CCNB3: variants seen among roughly 807,000 people sequenced by gnomAD.
CCNB3 encodes G2/mitotic-specific cyclin-B3.
CCNB3 carries 12 observed loss-of-function variants against 68.0 expected under a neutral mutation model. That is an observed-to-expected ratio of 0.18 (90% confidence interval 0.11 to 0.29). The LOEUF (loss-of-function observed/expected upper bound fraction) is 0.29, where lower values mean the gene tolerates loss of function less well. Ranked by LOEUF, CCNB3 falls within the 10% of genes least tolerant of loss-of-function variation. The pLI, the probability that CCNB3 is intolerant of heterozygous loss-of-function variation, is 1.00. For synonymous variants in CCNB3, 354 were observed against 388.9 expected, an observed-to-expected ratio of 0.91 and a Z score of 1.06; for missense variants, 904 against 993.1, an observed-to-expected ratio of 0.91 and a Z score of 1.21.
chrX:50,295,916 A>G (rs1488926264), intron 5 of CCNB3, among the ~76,000 whole-genome samples: 1 of 111,133 alleles, frequency 9.0e-6, no homozygotes, highest in African/African-American at 3.3e-5. Context: ...GTAAGCTAAA[A>G]AGACTGGGTA....
Position 50,312,580 on chromosome X carries a change from G to A in CCNB3, c.3371G>A (p.Ser1124Asn). The A allele has an allele frequency of 8.3e-7, 1 of 1,208,316 alleles. No individual in the cohort carries two copies. Among genetic ancestry groups the A allele is most frequent in the Non-Finnish European group, 1.1e-6 (1 of 893,488 alleles). ...ATTGATGAGGACAGCAGTGATCCAAGTTTCAACCCAATGTATGCCAAGGAA... is the reference window on the plus strand; with the variant it reads ...ATTGATGAGGACAGCAGTGATCCAAATTTCAACCCAATGTATGCCAAGGAA... ...EDIDEDSSDP[S>N]FNPMYAKEIF... The change falls in exon 7 of 13, where the codon AGT becomes AAT. Residue 1124 changes from serine to asparagine, a missense_variant. This residue lies in a region of CCNB3 where 285 missense variants were observed against 383.4 expected (regional missense o/e 0.74). Transcript: ENST00000376042.
rs937419561 is a variant in CCNB3 at position 50,346,531 on chromosome X, A to G, written c.3655-121A>G. 43 of 724,509 alleles carry G rather than the reference A, an allele frequency of 5.9e-5. 1 individual carries two copies. In the Middle Eastern group the frequency reaches 1.5e-3, roughly 25 times the overall value. The allele number at this position is 724,509 out of a possible 1,213,427, so 59.7% of individuals were successfully genotyped here. ...TCACATCAACCAGAAGCTGAGTCTC[A>G]GAGATACCCTGAAGATTTATGCCAG... On this transcript the variant is annotated intron_variant, in intron 9 of 12. Transcript: ENST00000376042.
intron 3 of CCNB3, among the ~76,000 whole-genome samples, chrX:50,288,269 C>T (rs536723240): frequency 9.5e-4 from 105 of 110,019 alleles, no homozygotes; most frequent in Non-Finnish European, 1.7e-3. Context: ...GGTTAGGGAC[C>T]GCTGTTTTAA....
chrX:50,303,723 T>C (rs1353648574), intron 5 of CCNB3, among the ~76,000 whole-genome samples: 1 of 111,447 alleles, frequency 9.0e-6, no homozygotes, highest in Non-Finnish European at 1.9e-5. Flanking sequence ...GTTCTTTATA[T>C]ATTTTAGATA....
intron 11 of CCNB3, 67 bp from the exon 12 acceptor site, chrX:50,351,174 G>A (rs960177926): frequency 3.5e-6 from 4 of 1,154,508 alleles, no homozygotes; most frequent in Non-Finnish European, 4.7e-6. Context: ...TTAGACTTGG[G>A]ATAGCAGAGA....
chrX:50,214,030 C>G (rs1473193615), intron 1 of CCNB3, among the ~76,000 whole-genome samples: 1 of 111,162 alleles, frequency 9.0e-6, no homozygotes, highest in Non-Finnish European at 1.9e-5. Context: ...CCTTGTGTTC[C>G]TTTGTTGTTG....
At chrX:50,227,821 GA>G (rs1935926877) in intron 1 of CCNB3, among the ~76,000 whole-genome samples, 1 of 77,540 alleles carries the variant, frequency 1.3e-5, no homozygotes, top group African/African-American at 5.0e-5. Flanking sequence ...AATATATAGA[GA>G]ATATATAAAT....
intron 1 of CCNB3, among the ~76,000 whole-genome samples, chrX:50,228,213 A>C (rs1005942768): frequency 1.1e-5 from 1 of 90,071 alleles, no homozygotes; most frequent in East Asian, 3.1e-4. Context: ...ATACTTATAC[A>C]TAGAATACAT....
chrX:50,227,075 A>C (rs1295903811), intron 1 of CCNB3, among the ~76,000 whole-genome samples: 2 of 81,805 alleles, frequency 2.4e-5, no homozygotes, highest in Non-Finnish European at 4.3e-5. Context: ...ATACAAATAT[A>C]AAGAATATAT....
chrX:50,312,665 C>G, intron 7 of CCNB3, 33 bp downstream of exon 7: 1 of 982,007 alleles, frequency 1.0e-6, no homozygotes, highest in Non-Finnish European at 1.4e-6. Context: ...GCAATGATTT[C>G]TAGTTTTCAT....
In CCNB3 at chrX:50,285,255, A is replaced by C; in HGVS notation, c.92A>C (p.Glu31Ala). 5.0e-6 allele frequency: 6 copies of C among 1,194,704 alleles called. No individual in the cohort carries two copies. Among genetic ancestry groups the C allele is most frequent in the Non-Finnish European group, 6.8e-6 (6 of 880,392 alleles). ...KIVPSHHDPS[E>A]KTGENCQTKI... is the part of the protein sequence containing the mutation. ...GTGCCCAGTCATCATGACCCATCTGAAAAGGTTAGAGCAAGCTGTCTTTCC... is the reference window on the plus strand; with the variant it reads ...GTGCCCAGTCATCATGACCCATCTGCAAAGGTTAGAGCAAGCTGTCTTTCC... Residue 31 changes from glutamate to alanine, a missense_variant, in exon 3 of 13, where the codon GAA becomes GCA. By Grantham distance (107) the Glu-to-Ala change is moderately radical. Around this residue, in one of 2 missense-constraint regions of CCNB3, gnomAD observed 619 missense variants for 609.8 expected, o/e 1.02. Transcript: ENST00000376042.
At chrX:50,347,515 A>G (rs782112889) in intron 10 of CCNB3, 111 bp from the exon 11 acceptor site, 14 of 685,774 alleles carry the variant, frequency 2.0e-5, no homozygotes, top group Non-Finnish European at 2.8e-5. Flanking sequence ...AAGGCACATT[A>G]CTCAAACAGA....
intron 1 of CCNB3, among the ~76,000 whole-genome samples, chrX:50,227,956 TATATATATAAATATATAGAGAGA>T (rs1935938149): frequency 1.6e-4 from 14 of 85,306 alleles, no homozygotes; most frequent in Non-Finnish European, 2.8e-4. Flanking sequence ...ATAGAGAGAA[TATATATATAAATATATAGAGAGA>T]ATATATATAA....
chrX:50,226,078 AGAATATATAT>A (rs1348474090), intron 1 of CCNB3, among the ~76,000 whole-genome samples: 3 of 87,203 alleles, frequency 3.4e-5, no homozygotes, highest in Middle Eastern at 5.5e-3. Context: ...GAATATATAT[AGAATATATAT>A]GAATATATAT....
chrX:50,333,675 C>G (rs782483544), intron 8 of CCNB3, among the ~76,000 whole-genome samples: 1 of 111,278 alleles, frequency 9.0e-6, no homozygotes, highest in Non-Finnish European at 1.9e-5. Context: ...TTACTTACCC[C>G]CCTTCTGCAT....
intron 8 of CCNB3, among the ~76,000 whole-genome samples, chrX:50,335,216 A>G (rs1602244380): frequency 1.8e-5 from 2 of 112,148 alleles, no homozygotes; most frequent in Admixed American, 1.9e-4. Context: ...GTCCAAGGGT[A>G]CTGAGTAGTG....
intron 5 of CCNB3, among the ~76,000 whole-genome samples, chrX:50,302,221 T>C (rs1557212810): frequency 8.9e-6 from 1 of 112,078 alleles, no homozygotes; most frequent in African/African-American, 3.2e-5. Context: ...GTCTTCTGCG[T>C]TGCTCATGCT....
At chrX:50,207,318 C>A (rs781881533) in intron 1 of CCNB3, among the ~76,000 whole-genome samples, 5 of 111,287 alleles carry the variant, frequency 4.5e-5, no homozygotes, top group Middle Eastern at 4.7e-3. Context: ...CTGAAATTCT[C>A]AACAGTTTTA....
chrX:50,280,283 GTATAGAATATAGATATAAATATATA>G (rs1936112657), intron 1 of CCNB3, among the ~76,000 whole-genome samples: 4 of 80,177 alleles, frequency 5.0e-5, no homozygotes, highest in African/African-American at 9.0e-5. Context: ...ATAAATATAT[GTATAGAATATAGATATAAATATATA>G]TATAGAATAT....
Sources: gnomAD v4.1 joint callset for allele counts (sites outside exome capture counted in the v4.1 genomes callset) on GRCh38, gnomAD v4.1.1 for gene constraint, gnomAD v4.1.1 regional missense constraint, MANE v1.5 for transcripts, NCBI Gene and HGNC (gene_info 2026-07-23, HGNC 2026-07-21) for gene names.